CELSR1: variants seen among roughly 807,000 people sequenced by gnomAD.
CELSR1 encodes the protein cadherin EGF LAG seven-pass G-type receptor 1.
CELSR1 carries 110 observed loss-of-function variants against 249.1 expected under a neutral mutation model. The ratio of observed to expected loss-of-function variants is 0.44; its 90% CI spans 0.38 to 0.52. CELSR1 has a LOEUF of 0.52. CELSR1 is among the 20% of genes least tolerant of loss of function. The pLI is 0.00. For synonymous variants in CELSR1, 2,113 were observed against 1,900.0 expected (o/e 1.11, Z -2.92); for missense variants, 4,109 against 4,296.4 (o/e 0.96, Z 1.22).
intron 3 of CELSR1, among the ~76,000 whole-genome samples, chr22:46,438,661 G>A (rs2079696985): frequency 6.6e-6 from 1 of 152,234 alleles, no homozygotes; most frequent in Admixed American, 6.5e-5. Flanking sequence ...ATTGGAGGTG[G>A]AGAGGATAGT....
At chr22:46,371,808 CCACT>C (rs981167762) in intron 25 of CELSR1, among the ~76,000 whole-genome samples, 27 of 150,614 alleles carry the variant, frequency 1.8e-4, no homozygotes, top group African/African-American at 6.1e-4. Flanking sequence ...ACCCATCCAT[CCACT>C]CACTCATCTC....
Position 46,500,184 on chromosome 22 carries a change from A to C in CELSR1, c.3544+33443T>G, listed in dbSNP as rs1602216258. 2.1e-5 allele frequency among the ~76,000 whole-genome samples: 2 copies of C among 94,312 alleles called. No individual in the cohort carries two copies. Among genetic ancestry groups the C allele is most frequent in the African/African-American group, 4.5e-5 (1 of 22,416 alleles). The allele number at this position is 94,312 out of a possible 152,430, so 61.9% of individuals were successfully genotyped here. Reference sequence around the variant, plus strand: ...CCCCTGGTCCTCCCAGCATGATCCCACCCCAGCCCCTGGTCCTCCCAGCAT... The same window carrying C: ...CCCCTGGTCCTCCCAGCATGATCCCCCCCCAGCCCCTGGTCCTCCCAGCAT... On this transcript the variant is annotated intron_variant, in intron 1 of 34. Coordinates refer to ENST00000674500, the MANE Select transcript of CELSR1 (RefSeq NM_001378328.1). The surrounding 1 kb of genome is among the most constrained non-coding windows in gnomAD (Gnocchi z 4.9).
chr22:46,444,621 G>A (rs897185372), intron 2 of CELSR1, among the ~76,000 whole-genome samples: 1 of 152,176 alleles, frequency 6.6e-6, no homozygotes, highest in African/African-American at 2.4e-5. Flanking sequence ...TTTGCTTTTT[G>A]TTTGTTTTCA....
chr22:46,378,849 T>A, intron 22 of CELSR1, 132 bp from the exon 23 acceptor site: 2 of 1,211,912 alleles, frequency 1.7e-6, no homozygotes, highest in Non-Finnish European at 2.3e-6. Context: ...GTGCCGTGAG[T>A]GCTGAAAGCC....
At chr22:46,394,721 C>T (rs999068434) in intron 13 of CELSR1, among the ~76,000 whole-genome samples, 1 of 152,206 alleles carries the variant, frequency 6.6e-6, no homozygotes, top group Non-Finnish European at 1.5e-5. Flanking sequence ...CCCCTGGCCC[C>T]CAGACCCACA....
Position 46,380,649 on chromosome 22 carries a change from C to A in CELSR1, c.7256+139G>T, listed in dbSNP as rs923875400. ...CAGAAGCAGAGCAGGAGGCTCACTG[C>A]CCCCACGGGGGACTTAAAGGGGAAA... On this transcript the variant is annotated intron_variant, in intron 22 of 34. Coordinates refer to ENST00000674500, the MANE Select transcript of CELSR1 (RefSeq NM_001378328.1). The surrounding 1 kb of genome is among the most constrained non-coding windows in gnomAD (Gnocchi z 5.1). 3.1e-5 allele frequency: 29 copies of A among 940,312 alleles called. No individual in the cohort carries two copies. The South Asian group carries it at 3.9e-4, about 13-fold the overall frequency. 58.2% of individuals were successfully genotyped at this position (940,312 alleles called of 1,614,324 possible). A position where few individuals can be genotyped will look rare whatever the true frequency, so the allele number is the denominator to read the frequency against.
At position 46,369,665 on chromosome 22, in the gene CELSR1, G is replaced by A. The variant is rs767030124; in HGVS notation, c.7872+27C>T. 1.1e-5 allele frequency: 18 copies of A among 1,594,786 alleles called. No individual in the cohort carries two copies. The Middle Eastern group carries it at 5.0e-4, about 44-fold the overall frequency. On this transcript the variant is annotated intron_variant, in intron 26 of 34. Transcript: ENST00000674500. ...CAGCTCATGCATGTTTGGGGCACCC[G>A]GACTCCCGTGAAGGCCCCACACTCA...
intron 14 of CELSR1, among the ~76,000 whole-genome samples, chr22:46,392,416 T>C (rs1868567760): frequency 6.6e-6 from 1 of 152,214 alleles, no homozygotes; most frequent in Non-Finnish European, 1.5e-5. Context: ...CAGACCTGTG[T>C]GTCAGGTGGG....
At position 46,436,159 on chromosome 22, in the gene CELSR1, G is replaced by C; in HGVS notation, c.4522+15C>G. The C allele has an allele frequency of 6.3e-7, 1 of 1,593,114 alleles. No homozygotes were observed. The highest frequency in any genetic ancestry group is 8.6e-7 in the Non-Finnish European group (1 of 1,161,460). On this transcript the variant is annotated intron_variant, in intron 4 of 34. Coordinates refer to ENST00000674500, the MANE Select transcript of CELSR1 (RefSeq NM_001378328.1). This position sits in a 1 kb window ranked among gnomAD's most constrained non-coding sequence, Gnocchi z 5.9. ...GAATTGCTCAGAGCTGCCCTTCCTG[G>C]GGAGAAGGCCCCACCTGCAGAGAAG...
At position 46,506,285 on chromosome 22, in the gene CELSR1, C is replaced by A. The variant is rs560703569; in HGVS notation, c.3544+27342G>T. 6.6e-6 allele frequency among the ~76,000 whole-genome samples: 1 copy of A among 152,316 alleles called. No individual in the cohort carries two copies. The highest frequency in any genetic ancestry group is 2.1e-4 in the South Asian group (1 of 4,824). ...TGCAGAGCACCCGCCATGATCCCTC[C>A]AAGCCTGGCACCTCCACCGTGCCTG... On this transcript the variant is annotated intron_variant, in intron 1 of 34. Coordinates refer to ENST00000674500, the MANE Select transcript of CELSR1 (RefSeq NM_001378328.1). This position sits in a 1 kb window ranked among gnomAD's most constrained non-coding sequence, Gnocchi z 4.1.
At position 46,370,069 on chromosome 22, in the gene CELSR1, A is replaced by AG; in HGVS notation, c.7760-266dup. The AG allele has an allele frequency of 5.4e-6, 3 of 557,270 alleles. 1 individual carries two copies. Among genetic ancestry groups the AG allele is most frequent in the South Asian group, 4.6e-5 (3 of 65,432 alleles). The allele number at this position is 557,270 out of a possible 1,614,324, so 34.5% of individuals were successfully genotyped here. Reference sequence around the variant, plus strand: ...GGCGTATCTGGGCCGGGGGCTGCTGAGGAAGACCAGAGACCCTGGAGGGTG... The same window carrying AG: ...GGCGTATCTGGGCCGGGGGCTGCTGAGGGAAGACCAGAGACCCTGGAGGGTG... On this transcript the variant is annotated intron_variant, in intron 25 of 34. Transcript: ENST00000674500.
At chr22:46,524,613 G>A (rs2080720958) in intron 1 of CELSR1, among the ~76,000 whole-genome samples, 1 of 151,736 alleles carries the variant, frequency 6.6e-6, no homozygotes, top group East Asian at 1.9e-4. Context: ...AGAGCCCCTG[G>A]CCTTCATCCA....
chr22:46,391,778 C>CAG lies in CELSR1; in HGVS notation c.6001_6002dup (p.Pro2002CysfsTer50). The CAG allele has an allele frequency of 1.2e-6, 2 of 1,612,776 alleles. No homozygotes were observed. The highest frequency in any genetic ancestry group is 1.7e-6 in the Non-Finnish European group (2 of 1,179,840). On this transcript the variant is annotated frameshift_variant, in exon 15 of 35. Coordinates refer to ENST00000674500, the MANE Select transcript of CELSR1 (RefSeq NM_001378328.1). LOFTEE classifies it high-confidence loss of function. The surrounding 1 kb of genome is among the most constrained non-coding windows in gnomAD (Gnocchi z 4.3). ...AGCCATGGGGGAAGCAGTCGCAGGG[C>CAG]AGACAGGTGTCCTGGGCTAGGAGCT...
chr22:46,392,851 G>A (rs925061211), intron 14 of CELSR1, among the ~76,000 whole-genome samples: 4 of 152,118 alleles, frequency 2.6e-5, no homozygotes, highest in Admixed American at 6.5e-5. Flanking sequence ...GAGCCACCAC[G>A]CCCTGCCTAT....
intron 5 of CELSR1, among the ~76,000 whole-genome samples, chr22:46,415,430 A>G (rs1333404873): frequency 6.6e-6 from 1 of 152,190 alleles, no homozygotes; most frequent in Non-Finnish European, 1.5e-5. Flanking sequence ...GATTACAGGC[A>G]TGAGCCACCG....
chr22:46,399,524 G>C lies in CELSR1; in HGVS notation c.5412+193C>G, dbSNP rs371822677. On this transcript the variant is annotated intron_variant, in intron 10 of 34. Transcript: ENST00000674500. The surrounding 1 kb of genome is among the most constrained non-coding windows in gnomAD (Gnocchi z 5.0). ...GCTGACTGCCGGGGGCGGGGCATCC[G>C]GATGAAGGAGGTGAGGAAGATGCCA... Among the ~76,000 whole-genome samples the C allele has an allele frequency of 1.8e-4, 28 of 152,192 alleles. No homozygotes were observed. Among genetic ancestry groups the C allele is most frequent in the Admixed American group, 6.5e-4 (10 of 15,276 alleles).
chr22:46,364,420 C>T, intron 33 of CELSR1, 92 bp downstream of exon 33: 2 of 1,505,832 alleles, frequency 1.3e-6, no homozygotes, highest in Non-Finnish European at 1.8e-6. Context: ...TGACTTGCCC[C>T]ACCAGCCCCA....
Position 46,535,281 on chromosome 22 carries a change from G to A in CELSR1, c.1890C>T (p.Phe630=). The change falls in exon 1 of 35, where the codon TTC becomes TTT. Residue 630 remains phenylalanine, a synonymous_variant. Coordinates refer to ENST00000674500, the MANE Select transcript of CELSR1 (RefSeq NM_001378328.1). ...TCCAACCGGAGCTGTTGTGGATCTG[G>A]AAGGGGAAGTCAGGGGTGGGGGCAG... ...KNPAPTPDFP[F]QIHNSSGWIT... 1 of 1,610,994 alleles carries A rather than the reference G, an allele frequency of 6.2e-7. No individual in the cohort carries two copies. The highest frequency in any genetic ancestry group is 1.1e-5 in the South Asian group (1 of 91,086).
At position 46,402,108 on chromosome 22, in the gene CELSR1, G is replaced by T. The variant is rs893513513; in HGVS notation, c.5227-2206C>A. ...ATCTCAAAAACACACAAACAAAAAA[G>T]TCTGTGACTGCATTCAAGTGCTCTG... is the stretch of plus-strand genomic sequence containing the variant. On this transcript the variant is annotated intron_variant, in intron 9 of 34. Transcript: ENST00000674500. This position sits in a 1 kb window ranked among gnomAD's most constrained non-coding sequence, Gnocchi z 5.0. Among the ~76,000 whole-genome samples, 2 of 152,082 alleles carry T rather than the reference G, an allele frequency of 1.3e-5. No individual in the cohort carries two copies. Among genetic ancestry groups the T allele is most frequent in the African/African-American group, 4.8e-5 (2 of 41,400 alleles).
Sources: allele counts gnomAD v4.1 joint callset (sites outside exome capture counted in the v4.1 genomes callset), GRCh38; gene constraint gnomAD v4.1.1; non-coding constraint Gnocchi (gnomAD v3.1); transcripts MANE v1.5; gene names NCBI Gene and HGNC (gene_info 2026-07-23, HGNC 2026-07-21).